ZNF423: variants seen among roughly 807,000 people sequenced by gnomAD.
The protein encoded by ZNF423 is zinc finger protein 423.
ZNF423 carries 12 observed loss-of-function variants against 95.8 expected under a neutral mutation model. That is an observed-to-expected ratio of 0.13 (90% CI 0.08 to 0.20). The LOEUF is 0.20. ZNF423 is among the 10% of genes least tolerant of loss of function. The pLI, the probability that ZNF423 is intolerant of heterozygous loss-of-function variation, is 1.00. For missense variants in ZNF423, 1,316 were observed against 1,737.1 expected, an observed-to-expected ratio of 0.76 and a Z score of 4.31; for synonymous variants, 749 against 711.9, an observed-to-expected ratio of 1.05 and a Z score of -0.83.
At chr16:49,811,599 CT>C (rs1012336281) in intron 1 of ZNF423, among the ~76,000 whole-genome samples, 2 of 152,292 alleles carry the variant, frequency 1.3e-5, no homozygotes, top group East Asian at 1.9e-4. Flanking sequence ...TGCCGACCCC[CT>C]GGTCAGACAA....
intron 3 of ZNF423, among the ~76,000 whole-genome samples, chr16:49,703,971 TA>T (rs947559581): frequency 4.4e-4 from 67 of 152,156 alleles, no homozygotes; most frequent in African/African-American, 1.5e-3. Context: ...AGGCCATAAA[TA>T]AAAGCCATTT....
chr16:49,809,554 G>C (rs1009717074), intron 1 of ZNF423, among the ~76,000 whole-genome samples: 3 of 152,220 alleles, frequency 2.0e-5, no homozygotes, highest in Non-Finnish European at 2.9e-5. Flanking sequence ...AAGAAGGCGA[G>C]AGGGGGACTT....
rs148140745 is a variant in ZNF423, at chr16:49,621,721, C to A, written c.3601+4449G>T. On this transcript the variant is annotated intron_variant, in intron 5 of 7. Transcript: ENST00000563137. ...AGACCATTTAGCAGGAGAAGCCATC[C>A]ACTGGGACACTGGGCCCCAAAAGAT... is the stretch of plus-strand genomic sequence containing the variant. 4.2e-4 allele frequency among the ~76,000 whole-genome samples: 64 copies of A among 152,314 alleles called. 2 individuals carry two copies. The East Asian group carries it at 0.012, about 28-fold the overall frequency.
At chr16:49,835,528 A>T (rs942675110) in intron 1 of ZNF423, among the ~76,000 whole-genome samples, 1 of 152,180 alleles carries the variant, frequency 6.6e-6, no homozygotes, top group Non-Finnish European at 1.5e-5. Flanking sequence ...CCCCTCAGAG[A>T]CAGGGCTGGG....
At chr16:49,677,302 A>AGAAGGGAAGGGAAGGGAAGGGAAGG (rs2031129391) in intron 3 of ZNF423, among the ~76,000 whole-genome samples, 1 of 75,146 alleles carries the variant, frequency 1.3e-5, no homozygotes, top group Non-Finnish European at 2.7e-5. Flanking sequence ...AGAAGAGAAG[A>AGAAGGGAAGGGAAGGGAAGGGAAGG]GAAGAGAAAG....
chr16:49,561,504 G>A lies in ZNF423; in HGVS notation c.3602-36010C>T, dbSNP rs184379710. Among the ~76,000 whole-genome samples the A allele has an allele frequency of 8.7e-4, 133 of 152,016 alleles. 1 individual carries two copies. The highest frequency in any genetic ancestry group is 2.9e-3 in the African/African-American group (121 of 41,460). The stretch of plus-strand genomic sequence containing the variant: ...AATCCATAACCTCTCTTTATTCTTC[G>A]AAAGCAATATGAAAACCATGGATCT... On this transcript the variant is annotated intron_variant, in intron 5 of 7. Transcript: ENST00000563137.
chr16:49,633,946 A>T (rs1416206127), intron 4 of ZNF423, among the ~76,000 whole-genome samples: 1 of 150,764 alleles, frequency 6.6e-6, no homozygotes, highest in East Asian at 1.9e-4. Context: ...TTCCTCTGTC[A>T]CCCAGGCTAG....
intron 3 of ZNF423, among the ~76,000 whole-genome samples, chr16:49,642,775 G>A (rs981872141): frequency 4.6e-5 from 7 of 151,176 alleles, no homozygotes; most frequent in Non-Finnish European, 1.5e-5. Flanking sequence ...CTACAGGGGC[G>A]TCAGCAGAGA....
At chr16:49,742,712 A>G (rs1162432849) in intron 2 of ZNF423, among the ~76,000 whole-genome samples, 1 of 152,162 alleles carries the variant, frequency 6.6e-6, no homozygotes, top group Non-Finnish European at 1.5e-5. Context: ...GGCCAGTGCT[A>G]GTGCCTGACA....
At position 49,511,947 on chromosome 16, in the gene ZNF423, C is replaced by A. The variant is rs961682184; in HGVS notation, c.3849+11677G>T. On this transcript the variant is annotated intron_variant, in intron 7 of 7. Transcript: ENST00000563137. ...TGCCCCTTAATGTCACATGGGGGCC[C>A]AACTGTGGGGCTCTGTTTTGTGTAG... Among the ~76,000 whole-genome samples the A allele has an allele frequency of 1.2e-4, 18 of 152,150 alleles. 1 individual carries two copies. The highest frequency in any genetic ancestry group is 4.4e-5 in the Non-Finnish European group (3 of 68,032).
intron 5 of ZNF423, among the ~76,000 whole-genome samples, chr16:49,613,910 T>A (rs1238905885): frequency 4.7e-5 from 7 of 150,108 alleles, no homozygotes; most frequent in Non-Finnish European, 8.9e-5. Flanking sequence ...TAGGAGAAAA[T>A]CTTTGCACCA....
intron 5 of ZNF423, among the ~76,000 whole-genome samples, chr16:49,528,484 G>C (rs141401220): frequency 1.2e-3 from 179 of 152,214 alleles, no homozygotes; most frequent in African/African-American, 4.1e-3. Context: ...TGTGTGTCTC[G>C]GGACCCTTTC....
rs563224921 is a variant in ZNF423, at chr16:49,605,750, T to C, written c.3601+20420A>G. Among the ~76,000 whole-genome samples, 3 of 152,332 alleles carry C rather than the reference T, an allele frequency of 2.0e-5. No individual in the cohort carries two copies. In the East Asian group the frequency reaches 5.8e-4, roughly 29 times the overall value. The stretch of plus-strand genomic sequence containing the variant: ...ATTGCCACTCTGAAGAGTGGAGTCA[T>C]TCCCAAGGCCCCCGTTGTCACTGGC... On this transcript the variant is annotated intron_variant, in intron 5 of 7. Transcript: ENST00000563137.
intron 6 of ZNF423, among the ~76,000 whole-genome samples, chr16:49,524,999 T>C (rs1038940704): frequency 6.6e-6 from 1 of 152,106 alleles, no homozygotes; most frequent in Non-Finnish European, 1.5e-5. Flanking sequence ...CCAGAAGTGC[T>C]GAATAGAGCT....
intron 5 of ZNF423, among the ~76,000 whole-genome samples, chr16:49,605,552 C>T (rs1298079927): frequency 6.6e-6 from 1 of 152,158 alleles, no homozygotes; most frequent in East Asian, 1.9e-4. Flanking sequence ...CCCATCCCAC[C>T]TCCTTCCATT....
chr16:49,592,636 G>C (rs999208074), intron 5 of ZNF423, among the ~76,000 whole-genome samples: 1 of 152,236 alleles, frequency 6.6e-6, no homozygotes, highest in Admixed American at 6.5e-5. Flanking sequence ...TCGCTGTAAA[G>C]CCTATCCTCG....
At chr16:49,714,567 GC>G (rs1157534802) in intron 3 of ZNF423, among the ~76,000 whole-genome samples, 3 of 150,392 alleles carry the variant, frequency 2.0e-5, no homozygotes, top group African/African-American at 7.4e-5. Context: ...AATTGCTTGA[GC>G]CCGGGAGGTG....
chr16:49,527,866 T>A (rs566204211), intron 5 of ZNF423, among the ~76,000 whole-genome samples: 2 of 151,998 alleles, frequency 1.3e-5, no homozygotes, highest in East Asian at 3.9e-4. Context: ...TACCCCTCAT[T>A]GTACATGACC....
intron 2 of ZNF423, among the ~76,000 whole-genome samples, chr16:49,742,068 C>T (rs2033425223): frequency 6.6e-6 from 1 of 152,224 alleles, no homozygotes; most frequent in African/African-American, 2.4e-5. Context: ...TGTGCCAGCC[C>T]CTGTTCTAGA....
Sources: allele counts gnomAD v4.1 joint callset (sites outside exome capture counted in the v4.1 genomes callset), GRCh38; gene constraint gnomAD v4.1.1; transcripts MANE v1.5; gene names NCBI Gene and HGNC (gene_info 2026-07-23, HGNC 2026-07-21).